Variants in BMP6 observed in about 807,000 individuals in gnomAD.
The protein encoded by BMP6 is VG-1-R.
In BMP6, 17 loss-of-function variants were observed where a neutral mutation model predicts 54.1. That is an observed-to-expected ratio of 0.31 (90% CI 0.22 to 0.47). The LOEUF is 0.47. Ranked by LOEUF, BMP6 falls within the 20% of genes least tolerant of loss-of-function variation. BMP6 has a pLI of 1.00. For synonymous variants in BMP6, 328 were observed against 291.2 expected (o/e 1.13, Z -1.28); for missense variants, 720 against 690.4 (o/e 1.04, Z -0.48).
At chr6:7,778,103 T>G (rs1757888501) in intron 1 of BMP6, among the ~76,000 whole-genome samples, 1 of 152,138 alleles carries the variant, frequency 6.6e-6, no homozygotes, top group Non-Finnish European at 1.5e-5. Context: ...AAATTACTGT[T>G]TACTGACTGT....
At chr6:7,803,276 G>A (rs889771780) in intron 1 of BMP6, among the ~76,000 whole-genome samples, 2 of 152,054 alleles carry the variant, frequency 1.3e-5, no homozygotes, top group Admixed American at 6.5e-5. Context: ...GGGAGGTGAC[G>A]GCCAGATCAT....
intron 1 of BMP6, among the ~76,000 whole-genome samples, chr6:7,762,076 C>T (rs942731489): frequency 2.0e-5 from 3 of 152,108 alleles, no homozygotes; most frequent in African/African-American, 7.2e-5. Context: ...CGCCCGCCAC[C>T]ATGTCTGGCT....
intron 4 of BMP6, among the ~76,000 whole-genome samples, chr6:7,867,482 T>C (rs1480758076): frequency 1.3e-5 from 2 of 152,190 alleles, no homozygotes; most frequent in Admixed American, 1.3e-4. Flanking sequence ...GTGTCCTCAC[T>C]ACTTCACCAT....
At chr6:7,821,097 A>T (rs779516817) in intron 1 of BMP6, among the ~76,000 whole-genome samples, 11 of 152,216 alleles carry the variant, frequency 7.2e-5, no homozygotes, top group African/African-American at 1.4e-4. Context: ...ATGGGACATC[A>T]TTCTGCCTGT....
chr6:7,767,147 C>T (rs988927950), intron 1 of BMP6, among the ~76,000 whole-genome samples: 26 of 151,866 alleles, frequency 1.7e-4, no homozygotes, highest in African/African-American at 5.1e-4. Context: ...CCACCACACC[C>T]GGCTAATTTT....
At chr6:7,787,969 A>T (rs1758043093) in intron 1 of BMP6, among the ~76,000 whole-genome samples, 1 of 152,066 alleles carries the variant, frequency 6.6e-6, no homozygotes, top group Non-Finnish European at 1.5e-5. Flanking sequence ...AAAGAAACGC[A>T]AGTCATTTTG....
Position 7,744,619 on chromosome 6 carries a change from T to C in BMP6, c.664+17000T>C, listed in dbSNP as rs572813849. Among the ~76,000 whole-genome samples the C allele has an allele frequency of 3.9e-5, 6 of 152,368 alleles. No individual in the cohort carries two copies. In the South Asian group the frequency reaches 1.2e-3, roughly 32 times the overall value. ...TCTTAAGCATACCATTTGATGAGTTTTGGTGTGTGTATACACCACTGTAAC... is the reference window on the plus strand; with the variant it reads ...TCTTAAGCATACCATTTGATGAGTTCTGGTGTGTGTATACACCACTGTAAC... On this transcript the variant is annotated intron_variant, in intron 1 of 6. Coordinates refer to ENST00000283147, the MANE Select transcript of BMP6 (RefSeq NM_001718.6).
chr6:7,856,521 A>G (rs1028048890), intron 2 of BMP6, among the ~76,000 whole-genome samples: 1 of 151,808 alleles, frequency 6.6e-6, no homozygotes, highest in Non-Finnish European at 1.5e-5. Flanking sequence ...AAAGAACAAG[A>G]CCACAGAATC....
intron 1 of BMP6, among the ~76,000 whole-genome samples, chr6:7,801,448 G>A (rs547235432): frequency 1.3e-5 from 2 of 152,338 alleles, no homozygotes; most frequent in South Asian, 2.1e-4. Context: ...AGGTGAACAG[G>A]AAATCATTTC....
chr6:7,798,468 G>A (rs1758223702), intron 1 of BMP6, among the ~76,000 whole-genome samples: 1 of 152,220 alleles, frequency 6.6e-6, no homozygotes, highest in Non-Finnish European at 1.5e-5. Flanking sequence ...CACTGTTTCT[G>A]ATACAGTGCG....
At chr6:7,828,059 T>TTTCTG (rs1758728057) in intron 1 of BMP6, among the ~76,000 whole-genome samples, 1 of 152,250 alleles carries the variant, frequency 6.6e-6, no homozygotes, top group Non-Finnish European at 1.5e-5. Flanking sequence ...GTGTTTTCTG[T>TTTCTG]TTTTGTTTTG....
At chr6:7,759,696 C>T (rs374856472) in intron 1 of BMP6, among the ~76,000 whole-genome samples, 67 of 62,168 alleles carry the variant, frequency 1.1e-3, no homozygotes, top group Non-Finnish European at 1.4e-3. Flanking sequence ...CTTTCTTCTT[C>T]TTTTTTTTTT....
At chr6:7,861,657 C>T in intron 3 of BMP6, 58 bp downstream of exon 3, 1 of 1,598,866 alleles carries the variant, frequency 6.3e-7, no homozygotes, top group South Asian at 1.1e-5. Flanking sequence ...CACACATTTC[C>T]CTTACAGCAG....
chr6:7,854,914 A>G (rs529665148), intron 2 of BMP6, among the ~76,000 whole-genome samples: 263 of 152,174 alleles, frequency 1.7e-3, no homozygotes, highest in African/African-American at 5.7e-3. Context: ...ATGTGGCCAA[A>G]GAGAGCAGAC....
At chr6:7,865,357 T>A (rs1300556938) in intron 4 of BMP6, among the ~76,000 whole-genome samples, 1 of 152,160 alleles carries the variant, frequency 6.6e-6, no homozygotes, top group Non-Finnish European at 1.5e-5. Flanking sequence ...ATACGAAATC[T>A]CTCCGGTCTC....
intron 1 of BMP6, 108 bp downstream of exon 1, chr6:7,727,727 C>T: frequency 7.8e-7 from 1 of 1,288,002 alleles, no homozygotes; most frequent in Non-Finnish European, 1.0e-6. Context: ...GCGGGTCCCG[C>T]CTGGTGCGCC....
chr6:7,830,724 A>T lies in BMP6; in HGVS notation c.665-14416A>T, dbSNP rs536840921. Among the ~76,000 whole-genome samples the T allele has an allele frequency of 4.6e-5, 7 of 152,348 alleles. No homozygotes were observed. In the East Asian group the frequency reaches 1.3e-3, roughly 29 times the overall value. ...GGTACACCTTATATGGCGGCAATCA[A>T]GAAAGAGCATGTGCAGGGGAAATGC... On this transcript the variant is annotated intron_variant, in intron 1 of 6. Coordinates refer to ENST00000283147, the MANE Select transcript of BMP6 (RefSeq NM_001718.6).
At chr6:7,804,215 A>C (rs1758312984) in intron 1 of BMP6, among the ~76,000 whole-genome samples, 1 of 152,220 alleles carries the variant, frequency 6.6e-6, no homozygotes, top group Non-Finnish European at 1.5e-5. Context: ...TGATCTCTCA[A>C]GGATTATCCC....
intron 1 of BMP6, among the ~76,000 whole-genome samples, chr6:7,838,709 G>A (rs1758915684): frequency 2.6e-5 from 4 of 152,096 alleles, no homozygotes; most frequent in Admixed American, 1.3e-4. Flanking sequence ...TTGGGAGGCC[G>A]AGGCGGGTGG....
Sources: allele counts gnomAD v4.1 joint callset (sites outside exome capture counted in the v4.1 genomes callset), GRCh38; gene constraint gnomAD v4.1.1; transcripts MANE v1.5; gene names NCBI Gene and HGNC (gene_info 2026-07-23, HGNC 2026-07-21).